DGCR2: variants seen among roughly 807,000 people sequenced by gnomAD.
The protein encoded by DGCR2 is integral membrane protein DGCR2/IDD.
A neutral mutation model predicts 51.6 loss-of-function variants in DGCR2; 24 were observed. The ratio of observed to expected loss-of-function variants is 0.47; its 90% CI spans 0.34 to 0.65. The LOEUF is 0.65. Among genes scored for constraint, DGCR2 ranks in the 30% least tolerant of loss-of-function variants. DGCR2 has a pLI of 0.01. For missense variants in DGCR2, 765 were observed against 772.1 expected (o/e 0.99, Z 0.11); for synonymous variants, 340 against 315.4 (o/e 1.08, Z -0.82).
chr22:19,042,105 T>A, intron 7 of DGCR2, 146 bp from the exon 8 acceptor site: 1 of 965,076 alleles, frequency 1.0e-6, no homozygotes, highest in Non-Finnish European at 1.5e-6. Context: ...AGGATACATG[T>A]GAAATAAGGC....
At chr22:19,114,020 C>A in intron 1 of DGCR2, among the ~76,000 whole-genome samples, 1 of 145,776 alleles carries the variant, frequency 6.9e-6, no homozygotes, top group Admixed American at 7.0e-5. Flanking sequence ...GATTGCACCA[C>A]TGCACTCCAG....
intron 2 of DGCR2, among the ~76,000 whole-genome samples, chr22:19,083,146 T>C (rs1038582670): frequency 2.0e-5 from 3 of 151,452 alleles, no homozygotes; most frequent in African/African-American, 7.3e-5. Flanking sequence ...TTAAAGATAG[T>C]CTCCTATAAT....
rs1200655944 is a variant in DGCR2, at chr22:19,036,374, A to C, written c.*2491T>G. ...TAGTGTCAACCCAACCAAAAACTAA[A>C]AACCCTTAATGAAAACATAAAAAAA... is the stretch of plus-strand genomic sequence containing the variant. On this transcript the variant is annotated 3_prime_UTR_variant, in exon 10 of 10. Transcript: ENST00000263196. 6.6e-6 allele frequency: 1 copy of C among 152,544 alleles called. No homozygotes were observed. The highest frequency in any genetic ancestry group is 1.5e-5 in the Non-Finnish European group (1 of 68,040). 9.4% of individuals were successfully genotyped at this position (152,544 alleles called of 1,614,324 possible).
chr22:19,069,909 G>A (rs1484610169), intron 2 of DGCR2, among the ~76,000 whole-genome samples: 2 of 152,158 alleles, frequency 1.3e-5, no homozygotes, highest in Non-Finnish European at 2.9e-5. Context: ...ACCTGTGTCC[G>A]AGACACTTTC....
At chr22:19,054,074 T>C (rs1309189311) in intron 6 of DGCR2, among the ~76,000 whole-genome samples, 2 of 152,104 alleles carry the variant, frequency 1.3e-5, no homozygotes, top group South Asian at 4.1e-4. Flanking sequence ...ATGAAAAAAA[T>C]AGCTATAAAG....
intron 2 of DGCR2, among the ~76,000 whole-genome samples, chr22:19,086,594 T>C (rs758936783): frequency 1.3e-5 from 2 of 152,166 alleles, no homozygotes; most frequent in Non-Finnish European, 2.9e-5. Flanking sequence ...GTCAGGGCAG[T>C]GGCCTCCTCA....
chr22:19,114,987 G>A (rs1374400852), intron 1 of DGCR2, among the ~76,000 whole-genome samples: 1 of 152,188 alleles, frequency 6.6e-6, no homozygotes, highest in Non-Finnish European at 1.5e-5. Context: ...TCAGCCAGAA[G>A]TCAGCCTACA....
intron 1 of DGCR2, among the ~76,000 whole-genome samples, chr22:19,114,062 G>GAAAAA (rs55948025): frequency 1.7e-4 from 14 of 80,970 alleles, no homozygotes; most frequent in East Asian, 3.7e-4. Flanking sequence ...TCCATTTGAG[G>GAAAAA]AAAAAAAAAA....
At chr22:19,107,139 T>C (rs954817460) in intron 1 of DGCR2, among the ~76,000 whole-genome samples, 2 of 151,888 alleles carry the variant, frequency 1.3e-5, no homozygotes, top group Non-Finnish European at 2.9e-5. Context: ...CCCAAACACA[T>C]AACCACCAAA....
intron 1 of DGCR2, among the ~76,000 whole-genome samples, chr22:19,107,142 C>A (rs2083268325): frequency 6.8e-6 from 1 of 147,830 alleles, no homozygotes; most frequent in Non-Finnish European, 1.5e-5. Flanking sequence ...AAACACATAA[C>A]CACCAAACCC....
intron 2 of DGCR2, among the ~76,000 whole-genome samples, chr22:19,073,193 G>GT (rs1569062298): frequency 6.6e-6 from 1 of 152,186 alleles, no homozygotes; most frequent in African/African-American, 2.4e-5. Context: ...GAGCCTAGCT[G>GT]TTTGAGGCTA....
chr22:19,061,147 G>A lies in DGCR2; in HGVS notation c.625+2055C>T, dbSNP rs564929870. ...TCCCATGGTTTTTTGGGTATTTTTG[G>A]GGGGGCCAACACCTCAGACCCCAAT... On this transcript the variant is annotated intron_variant, in intron 5 of 9. Transcript: ENST00000263196. 719 of 235,376 alleles carry A rather than the reference G, an allele frequency of 3.1e-3. 2 individuals are homozygous for A. The highest frequency in any genetic ancestry group is 5.1e-3 in the Non-Finnish European group (599 of 116,810). 14.6% of individuals were successfully genotyped at this position (235,376 alleles called of 1,614,324 possible).
rs913602933 is a variant in DGCR2 at position 19,105,492 on chromosome 22, G to A, written c.80-16002C>T. Among the ~76,000 whole-genome samples the A allele has an allele frequency of 3.3e-5, 5 of 152,182 alleles. No individual in the cohort carries two copies. The East Asian group carries it at 9.6e-4, about 29-fold the overall frequency. On this transcript the variant is annotated intron_variant, in intron 1 of 9. Coordinates refer to ENST00000263196, the MANE Select transcript of DGCR2 (RefSeq NM_005137.3). ...GGGGCCTCAGAGATGGCCAGCATCT[G>A]AGCCACCAGGGGCCATGGGCAGGCC...
At chr22:19,068,503 T>C (rs1024928447) in intron 2 of DGCR2, among the ~76,000 whole-genome samples, 3 of 152,258 alleles carry the variant, frequency 2.0e-5, no homozygotes, top group African/African-American at 2.4e-5. Context: ...TAACAGGTCA[T>C]TGCTAGCACA....
intron 5 of DGCR2, chr22:19,061,571 G>A (rs1366783261): frequency 1.3e-5 from 2 of 152,184 alleles, no homozygotes; most frequent in African/African-American, 2.4e-5. Context: ...CACCATAAGG[G>A]TTCTTGTGCC....
chr22:19,101,715 T>C (rs1370176666), intron 1 of DGCR2, among the ~76,000 whole-genome samples: 1 of 131,414 alleles, frequency 7.6e-6, no homozygotes. Context: ...CACTCCAGCC[T>C]GGGCAACAGG....
intron 1 of DGCR2, among the ~76,000 whole-genome samples, chr22:19,097,686 C>G (rs1454300537): frequency 6.6e-6 from 1 of 152,224 alleles, no homozygotes; most frequent in Non-Finnish European, 1.5e-5. Flanking sequence ...TCTCCATACT[C>G]TATGCATGTC....
intron 1 of DGCR2, among the ~76,000 whole-genome samples, chr22:19,100,944 A>G (rs914378145): frequency 1.3e-5 from 2 of 151,776 alleles, no homozygotes; most frequent in African/African-American, 4.8e-5. Context: ...GTATCTACCA[A>G]AAAATACAAA....
chr22:19,121,986 G>A (rs902566345), intron 1 of DGCR2, 142 bp downstream of exon 1: 4 of 415,468 alleles, frequency 9.6e-6, no homozygotes, highest in African/African-American at 2.1e-5. Flanking sequence ...GAGAGTGCCA[G>A]GCGGCCCGCG....
Sources: gnomAD v4.1 joint callset for allele counts (sites outside exome capture counted in the v4.1 genomes callset) on GRCh38, gnomAD v4.1.1 for gene constraint, MANE v1.5 for transcripts, NCBI Gene and HGNC (gene_info 2026-07-23, HGNC 2026-07-21) for gene names.